The following SLC30A8 variants were observed in gnomAD, a reference collection of about 807,000 sequenced individuals.
SLC30A8 encodes the protein proton-coupled zinc antiporter SLC30A8.
A neutral mutation model predicts 36.9 loss-of-function variants in SLC30A8; 27 were observed. The observed-to-expected ratio is 0.73, with a 90% confidence interval of 0.54 to 1.01. The LOEUF (loss-of-function observed/expected upper bound fraction) is 1.01, where lower values mean the gene tolerates loss of function less well. SLC30A8 is among the 50% of genes least tolerant of loss of function. The probability of loss-of-function intolerance (pLI) is 0.00; values close to 1 mark genes in which losing one functional copy is unlikely to be tolerated. For missense variants in SLC30A8, 439 were observed against 452.0 expected (o/e 0.97, Z 0.26); for synonymous variants, 164 against 172.4 (o/e 0.95, Z 0.38).
chr8:117,063,295 G>A (rs558003066), intron 2 of SLC30A8, among the ~76,000 whole-genome samples: 1 of 152,172 alleles, frequency 6.6e-6, no homozygotes, highest in African/African-American at 2.4e-5. Flanking sequence ...TATGGTCCAG[G>A]CAGAGCAGGA....
intron 1 of SLC30A8, among the ~76,000 whole-genome samples, chr8:117,034,771 C>G (rs58928889): frequency 0.44 from 66,105 of 151,936 alleles, 15,011 homozygotes; most frequent in East Asian, 0.55. Context: ...GTTTAATTGA[C>G]TCAACAGTTC....
chr8:117,028,550 G>GTTTTTTTT (rs57593485), intron 1 of SLC30A8, among the ~76,000 whole-genome samples: 2 of 144,222 alleles, frequency 1.4e-5, no homozygotes, highest in African/African-American at 2.5e-5. Flanking sequence ...TCTCACCACA[G>GTTTTTTTT]TTTTTTTTTT....
At chr8:117,148,033 A>ATAT (rs1055442027) in intron 2 of SLC30A8, among the ~76,000 whole-genome samples, 2 of 151,842 alleles carry the variant, frequency 1.3e-5, no homozygotes, top group Non-Finnish European at 2.9e-5. Context: ...GACCTTTGTT[A>ATAT]TATTAGTTAT....
chr8:116,981,060 C>G (rs1815235843), intron 1 of SLC30A8, among the ~76,000 whole-genome samples: 2 of 152,222 alleles, frequency 1.3e-5, no homozygotes, highest in South Asian at 4.1e-4. Context: ...GATGGCTCTT[C>G]TGCTTAGTGA....
chr8:117,103,559 T>C (rs571059163), intron 2 of SLC30A8, among the ~76,000 whole-genome samples: 3 of 152,262 alleles, frequency 2.0e-5, no homozygotes, highest in African/African-American at 7.2e-5. Context: ...ACTGCAACCT[T>C]CACCTCCTGG....
chr8:116,995,344 TA>T (rs1312237979), intron 1 of SLC30A8, among the ~76,000 whole-genome samples: 1 of 151,998 alleles, frequency 6.6e-6, no homozygotes, highest in African/African-American at 2.4e-5. Flanking sequence ...AGCCACCAAA[TA>T]AAGCCATCCA....
At chr8:117,010,124 G>A (rs1318336109) in intron 1 of SLC30A8, among the ~76,000 whole-genome samples, 2 of 152,118 alleles carry the variant, frequency 1.3e-5, no homozygotes, top group Non-Finnish European at 2.9e-5. Flanking sequence ...TTAGAATTAG[G>A]CAGGGGAAGA....
intron 1 of SLC30A8, among the ~76,000 whole-genome samples, chr8:116,976,319 A>G (rs1412306765): frequency 6.7e-6 from 1 of 150,198 alleles, no homozygotes; most frequent in East Asian, 2.0e-4. Flanking sequence ...AGGGTGTGTC[A>G]CTGATTGTGT....
chr8:117,042,800 C>T (rs999326925), intron 2 of SLC30A8, among the ~76,000 whole-genome samples: 4 of 152,052 alleles, frequency 2.6e-5, no homozygotes, highest in African/African-American at 4.8e-5. Context: ...CTCAGCCTCC[C>T]GAGTAGCTGG....
intron 1 of SLC30A8, among the ~76,000 whole-genome samples, chr8:117,019,701 G>GT (rs1162427695): frequency 1.3e-5 from 2 of 152,330 alleles, no homozygotes; most frequent in East Asian, 3.9e-4. Flanking sequence ...TGAAAAGAAT[G>GT]TTTGAAAACA....
chr8:117,126,633 G>C (rs1440380566), intron 2 of SLC30A8, among the ~76,000 whole-genome samples: 1 of 151,964 alleles, frequency 6.6e-6, no homozygotes, highest in East Asian at 1.9e-4. Context: ...TGATATGCCA[G>C]ATACCGTTTA....
intron 2 of SLC30A8, among the ~76,000 whole-genome samples, chr8:117,084,722 TATA>T (rs1437266913): frequency 6.6e-6 from 1 of 152,180 alleles, no homozygotes; most frequent in Non-Finnish European, 1.5e-5. Context: ...AAGTAGATCC[TATA>T]ATTCCAGTAC....
At chr8:116,968,721 A>T (rs541027104) in intron 1 of SLC30A8, among the ~76,000 whole-genome samples, 2 of 151,786 alleles carry the variant, frequency 1.3e-5, no homozygotes, top group Non-Finnish European at 2.9e-5. Flanking sequence ...TTCTGCCACA[A>T]TGACTATTTC....
intron 1 of SLC30A8, among the ~76,000 whole-genome samples, chr8:117,008,057 G>A (rs1816237460): frequency 6.6e-6 from 1 of 152,164 alleles, no homozygotes; most frequent in Non-Finnish European, 1.5e-5. Context: ...TAAGAGGCTG[G>A]TAGTGGCAAA....
chr8:117,127,807 T>C (rs13282002), intron 2 of SLC30A8, among the ~76,000 whole-genome samples: 17,223 of 152,068 alleles, frequency 0.11, 1,240 homozygotes, highest in Non-Finnish European at 0.16. Context: ...AGGTATTTAC[T>C]TTTTTCCTTC....
At chr8:117,167,565 TATTG>T (rs1823129216) in intron 6 of SLC30A8, among the ~76,000 whole-genome samples, 1 of 151,864 alleles carries the variant, frequency 6.6e-6, no homozygotes, top group Admixed American at 6.6e-5. Context: ...TGGGATTACA[TATTG>T]ATTCACATTT....
intron 2 of SLC30A8, among the ~76,000 whole-genome samples, chr8:117,102,867 A>G (rs1399528842): frequency 2.0e-5 from 3 of 152,236 alleles, no homozygotes; most frequent in Non-Finnish European, 2.9e-5. Context: ...TCCAAATAGG[A>G]AACAGTTCCA....
chr8:117,017,854 T>C (rs1264349023), intron 1 of SLC30A8: 1 of 152,204 alleles, frequency 6.6e-6, no homozygotes, highest in African/African-American at 2.4e-5. Flanking sequence ...AACAGGGAAG[T>C]TATCTAGACT....
intron 1 of SLC30A8, among the ~76,000 whole-genome samples, chr8:117,000,733 A>G (rs1815982315): frequency 6.6e-6 from 1 of 152,216 alleles, no homozygotes; most frequent in Non-Finnish European, 1.5e-5. Context: ...TAAGTGGTTT[A>G]ATAGTAGAAT....
Sources: gnomAD v4.1 joint callset for allele counts (sites outside exome capture counted in the v4.1 genomes callset) on GRCh38, gnomAD v4.1.1 for gene constraint, MANE v1.5 for transcripts, NCBI Gene and HGNC (gene_info 2026-07-23, HGNC 2026-07-21) for gene names.